Variants in NEDD4L observed in about 807,000 individuals in gnomAD.
NEDD4L encodes the protein E3 ubiquitin-protein ligase NEDD4-like.
A neutral mutation model predicts 148.9 loss-of-function variants in NEDD4L; 54 were observed. That is an observed-to-expected ratio of 0.36 (90% CI 0.29 to 0.45). The LOEUF (loss-of-function observed/expected upper bound fraction) is 0.45, where lower values mean the gene tolerates loss of function less well. NEDD4L is among the 20% of genes least tolerant of loss of function. The pLI, the probability that NEDD4L is intolerant of heterozygous loss-of-function variation, is 1.00. For missense variants in NEDD4L, 856 were observed against 1,233.8 expected (o/e 0.69, Z 4.59); for synonymous variants, 433 against 440.7 (o/e 0.98, Z 0.22).
chr18:58,342,088 G>A (rs1031444909), intron 15 of NEDD4L, among the ~76,000 whole-genome samples: 5 of 152,180 alleles, frequency 3.3e-5, no homozygotes, highest in African/African-American at 7.2e-5. Context: ...GTTGTGTTTC[G>A]CTTCTTTTTG....
intron 16 of NEDD4L, 66 bp downstream of exon 16, chr18:58,343,169 C>A: frequency 7.2e-7 from 1 of 1,380,314 alleles, no homozygotes; most frequent in South Asian, 1.5e-5. Flanking sequence ...CCTTGATTTC[C>A]TTAGTGTTTG....
At chr18:58,367,645 C>T (rs2046300537) in intron 21 of NEDD4L, 101 bp from the exon 22 acceptor site, 4 of 1,294,334 alleles carry the variant, frequency 3.1e-6, no homozygotes, top group Non-Finnish European at 3.3e-6. Flanking sequence ...ACAGAATGCT[C>T]GCAGGGACAC....
intron 26 of NEDD4L, among the ~76,000 whole-genome samples, chr18:58,387,109 G>A (rs1335744653): frequency 6.6e-6 from 1 of 152,178 alleles, no homozygotes; most frequent in Non-Finnish European, 1.5e-5. Context: ...TTACACATCT[G>A]TAGCCTGTGC....
chr18:58,251,352 C>T (rs937360338), intron 4 of NEDD4L, among the ~76,000 whole-genome samples: 1 of 152,058 alleles, frequency 6.6e-6, no homozygotes, highest in Non-Finnish European at 1.5e-5. Flanking sequence ...ATGGTGAAAC[C>T]TCATCTCTAC....
intron 2 of NEDD4L, among the ~76,000 whole-genome samples, chr18:58,224,143 T>A (rs1789709637): frequency 6.6e-6 from 1 of 152,230 alleles, no homozygotes; most frequent in Non-Finnish European, 1.5e-5. Flanking sequence ...CTTTCAGTGA[T>A]GTAAGCTGTC....
At chr18:58,131,860 G>A (rs1254102913) in intron 1 of NEDD4L, among the ~76,000 whole-genome samples, 1 of 152,142 alleles carries the variant, frequency 6.6e-6, no homozygotes, top group African/African-American at 2.4e-5. Flanking sequence ...CTGTATACCT[G>A]GAAAGTTGTG....
chr18:58,300,469 A>C (rs2056315647), intron 5 of NEDD4L, among the ~76,000 whole-genome samples: 1 of 152,176 alleles, frequency 6.6e-6, no homozygotes, highest in African/African-American at 2.4e-5. Context: ...CCACTTTGCA[A>C]ATGCAGTAGT....
chr18:58,291,318 G>A (rs1345593245), intron 5 of NEDD4L, among the ~76,000 whole-genome samples: 1 of 152,258 alleles, frequency 6.6e-6, no homozygotes, highest in African/African-American at 2.4e-5. Context: ...TTTCTCATTA[G>A]CCAAAACTGG....
chr18:58,081,148 A>G (rs904565891), intron 1 of NEDD4L, among the ~76,000 whole-genome samples: 5 of 149,636 alleles, frequency 3.3e-5, no homozygotes, highest in South Asian at 2.1e-4. Context: ...CTTCATTTCT[A>G]TTTGGGAACA....
chr18:58,245,783 T>C lies in NEDD4L; in HGVS notation c.204+275T>C, dbSNP rs71355689. ...GCACCCTCCGCCTCCTGGGTTCAAGTGATTCTCCTGCCTCAGCCTCCTGAA... is the reference window on the plus strand; with the variant it reads ...GCACCCTCCGCCTCCTGGGTTCAAGCGATTCTCCTGCCTCAGCCTCCTGAA... On this transcript the variant is annotated intron_variant, in intron 3 of 30. Transcript: ENST00000400345. 0.11 allele frequency among the ~76,000 whole-genome samples: 15,505 copies of C among 147,456 alleles called. 959 individuals carry two copies. Among genetic ancestry groups the C allele is most frequent in the East Asian group, 0.23 (1,174 of 5,006 alleles).
At chr18:58,215,054 C>T (rs984326765) in intron 2 of NEDD4L, among the ~76,000 whole-genome samples, 13 of 152,062 alleles carry the variant, frequency 8.5e-5, no homozygotes, top group African/African-American at 2.2e-4. Flanking sequence ...TCAAGTGATC[C>T]GTCTGCCTTG....
At chr18:58,129,857 G>A (rs1002426098) in intron 1 of NEDD4L, among the ~76,000 whole-genome samples, 1 of 151,064 alleles carries the variant, frequency 6.6e-6, no homozygotes, top group Non-Finnish European at 1.5e-5. Context: ...GGCTCTGTTG[G>A]GGTTTGGTTG....
intron 1 of NEDD4L, 57 bp from the exon 2 acceptor site, chr18:58,165,731 A>C (rs1286312907): frequency 1.4e-5 from 21 of 1,534,072 alleles, no homozygotes; most frequent in Non-Finnish European, 1.9e-5. Flanking sequence ...ATTGGATGAG[A>C]GAGTGATTGA....
At chr18:58,385,002 A>G (rs1446932505) in intron 25 of NEDD4L, among the ~76,000 whole-genome samples, 1 of 152,234 alleles carries the variant, frequency 6.6e-6, no homozygotes, top group African/African-American at 2.4e-5. Flanking sequence ...TATGAGTGCA[A>G]ATCATTTTGC....
intron 10 of NEDD4L, among the ~76,000 whole-genome samples, chr18:58,329,592 A>G (rs1031086452): frequency 6.6e-6 from 1 of 151,402 alleles, no homozygotes; most frequent in African/African-American, 2.4e-5. Flanking sequence ...CCTGACCTCG[A>G]GATCCGCCTG....
intron 2 of NEDD4L, among the ~76,000 whole-genome samples, chr18:58,208,865 C>T (rs533292641): frequency 4.6e-4 from 70 of 152,248 alleles, no homozygotes; most frequent in African/African-American, 1.5e-3. Context: ...AGCTCACTGT[C>T]GTGACATGGG....
At chr18:58,386,938 G>A (rs189838736) in intron 26 of NEDD4L, among the ~76,000 whole-genome samples, 16 of 152,172 alleles carry the variant, frequency 1.1e-4, no homozygotes, top group African/African-American at 3.1e-4. Flanking sequence ...TTCGCAGCGC[G>A]CAGGGCCCAG....
intron 5 of NEDD4L, among the ~76,000 whole-genome samples, chr18:58,300,043 A>T (rs1355965156): frequency 6.6e-6 from 1 of 152,216 alleles, no homozygotes; most frequent in Admixed American, 6.5e-5. Context: ...ATGACTTAAG[A>T]GACTGTACAT....
chr18:58,127,433 C>T (rs563449669), intron 1 of NEDD4L, among the ~76,000 whole-genome samples: 4 of 152,084 alleles, frequency 2.6e-5, no homozygotes, highest in South Asian at 2.1e-4. Context: ...AGGCTGGACA[C>T]GGTGGCCCAC....
Sources: allele counts gnomAD v4.1 joint callset (sites outside exome capture counted in the v4.1 genomes callset), GRCh38; gene constraint gnomAD v4.1.1; transcripts MANE v1.5; gene names NCBI Gene and HGNC (gene_info 2026-07-23, HGNC 2026-07-21).